WASF1: variants seen among roughly 807,000 people sequenced by gnomAD.
WASF1 encodes the protein WASP family member 1.
WASF1 carries 7 observed loss-of-function variants against 50.5 expected under a neutral mutation model. The observed-to-expected ratio is 0.14, with a 90% CI of 0.08 to 0.26. WASF1 has a LOEUF of 0.26. Ranked by LOEUF, WASF1 falls within the 10% of genes least tolerant of loss-of-function variation. The probability of loss-of-function intolerance (pLI) is 1.00; values close to 1 mark genes in which losing one functional copy is unlikely to be tolerated. For synonymous variants in WASF1, 205 were observed against 244.0 expected (o/e 0.84, Z 1.49); for missense variants, 470 against 694.7 (o/e 0.68, Z 3.64).
At chr6:110,102,267 G>C (rs1773126951) in intron 9 of WASF1, 51 bp from the exon 10 acceptor site, 9 of 1,343,404 alleles carry the variant, frequency 6.7e-6, no homozygotes, top group African/African-American at 1.5e-5. Context: ...AAAGCCTAAA[G>C]AGAAAATCTA....
At chr6:110,151,647 A>G (rs963309142) in intron 3 of WASF1, among the ~76,000 whole-genome samples, 1 of 152,230 alleles carries the variant, frequency 6.6e-6, no homozygotes. Context: ...GTAGACATAC[A>G]TGAAATCACA....
rs1157060781 is a variant in WASF1, at chr6:110,106,966, A to G, written c.540+111T>C. On this transcript the variant is annotated intron_variant, in intron 7 of 10. Coordinates refer to ENST00000392589, the MANE Select transcript of WASF1 (RefSeq NM_003931.3). The stretch of plus-strand genomic sequence containing the variant: ...TATAAAGACTTCAGTATTTAACTAT[A>G]TGGACCCAATAAAATAAAACTGTCA... The G allele has an allele frequency of 3.9e-6, 3 of 770,722 alleles. No individual in the cohort carries two copies. The African/African-American group carries it at 5.3e-5, about 14-fold the overall frequency. The allele number at this position is 770,722 out of a possible 1,614,324, so 47.7% of individuals were successfully genotyped here.
intron 3 of WASF1, among the ~76,000 whole-genome samples, chr6:110,158,948 AATT>A (rs147588428): frequency 0.015 from 2,316 of 151,956 alleles, 44 homozygotes; most frequent in African/African-American, 0.054. Context: ...CTATGCTAGT[AATT>A]ATTATTATTA....
intron 3 of WASF1, among the ~76,000 whole-genome samples, chr6:110,134,725 C>A (rs1017180881): frequency 1.3e-5 from 2 of 152,136 alleles, no homozygotes; most frequent in African/African-American, 4.8e-5. Flanking sequence ...CGCACCCGGC[C>A]TATGTGCCTA....
intron 5 of WASF1, among the ~76,000 whole-genome samples, chr6:110,111,368 C>A (rs899683803): frequency 6.6e-5 from 10 of 151,390 alleles, no homozygotes; most frequent in African/African-American, 2.4e-4. Flanking sequence ...AAGGATACCA[C>A]CAAGAAAGAC....
intron 4 of WASF1, among the ~76,000 whole-genome samples, chr6:110,121,423 A>G (rs918890888): frequency 4.6e-5 from 7 of 152,262 alleles, no homozygotes; most frequent in African/African-American, 1.7e-4. Context: ...GCCAACAGAC[A>G]TATGAAAAAA....
intron 2 of WASF1, among the ~76,000 whole-genome samples, chr6:110,167,075 C>T (rs1472292537): frequency 1.3e-5 from 2 of 151,708 alleles, no homozygotes; most frequent in African/African-American, 4.8e-5. Flanking sequence ...AACACTGTAG[C>T]CATCATGCAG....
At chr6:110,171,815 A>T (rs972845846) in intron 2 of WASF1, among the ~76,000 whole-genome samples, 1 of 152,058 alleles carries the variant, frequency 6.6e-6, no homozygotes, top group African/African-American at 2.4e-5. Context: ...GAATCTACAA[A>T]GAACTCAAAC....
At chr6:110,134,298 T>C (rs1774839827) in intron 3 of WASF1, among the ~76,000 whole-genome samples, 1 of 152,164 alleles carries the variant, frequency 6.6e-6, no homozygotes, top group African/African-American at 2.4e-5. Context: ...ATCGCAGCAA[T>C]ATTTGTTGAA....
At position 110,141,490 on chromosome 6, in the gene WASF1, T is replaced by G. The variant is rs1304424487; in HGVS notation, c.-28-13861A>C. Among the ~76,000 whole-genome samples, 3 of 152,298 alleles carry G rather than the reference T, an allele frequency of 2.0e-5. No homozygotes were observed. In the East Asian group the frequency reaches 5.8e-4, roughly 29 times the overall value. Reference sequence around the variant, plus strand: ...GCAGATGTAACCATCTACTCTTTGATGCCCTCAACATGGATCCACAAATGC... The same window carrying G: ...GCAGATGTAACCATCTACTCTTTGAGGCCCTCAACATGGATCCACAAATGC... On this transcript the variant is annotated intron_variant, in intron 3 of 10. Transcript: ENST00000392589.
chr6:110,100,713 C>A lies in WASF1; in HGVS notation c.1523-34G>T, dbSNP rs781037986. On this transcript the variant is annotated intron_variant, in intron 10 of 10. Transcript: ENST00000392589. ...GTGAATCCAAACCATTCATTTAAAT[C>A]AAAATACTAGATACTAGATATTATT... 4.5e-6 allele frequency: 7 copies of A among 1,558,736 alleles called. No individual in the cohort carries two copies. In the African/African-American group the frequency reaches 6.9e-5, roughly 15 times the overall value.
At chr6:110,144,284 T>A (rs1479343160) in intron 3 of WASF1, among the ~76,000 whole-genome samples, 1 of 152,238 alleles carries the variant, frequency 6.6e-6, no homozygotes, top group Non-Finnish European at 1.5e-5. Context: ...TCTGTTCATA[T>A]CCTTTCCCCA....
chr6:110,153,005 CCTT>C, intron 3 of WASF1, among the ~76,000 whole-genome samples: 1 of 152,140 alleles, frequency 6.6e-6, no homozygotes, highest in South Asian at 2.1e-4. Flanking sequence ...CTATTGTCTG[CCTT>C]CTTTTGTTCA....
In WASF1 at chr6:110,100,354, T is replaced by C; in HGVS notation, c.*168A>G. On this transcript the variant is annotated 3_prime_UTR_variant, in exon 11 of 11. Transcript: ENST00000392589. Reference sequence around the variant, plus strand: ...ATAAGCCACTGTAAAACATTTAGTTTGAAATGTATGCTAATATTTTCCTTA... The same window carrying C: ...ATAAGCCACTGTAAAACATTTAGTTCGAAATGTATGCTAATATTTTCCTTA... 1.5e-6 allele frequency: 1 copy of C among 659,438 alleles called. No individual in the cohort carries two copies. The highest frequency in any genetic ancestry group is 2.4e-6 in the Non-Finnish European group (1 of 419,704). The allele number at this position is 659,438 out of a possible 1,614,324, so 40.8% of individuals were successfully genotyped here.
At position 110,107,404 on chromosome 6, in the gene WASF1, T is replaced by A. The variant is rs571773442; in HGVS notation, c.423-210A>T. 5.3e-5 allele frequency among the ~76,000 whole-genome samples: 8 copies of A among 152,298 alleles called. No homozygotes were observed. The South Asian group carries it at 1.5e-3, about 28-fold the overall frequency. ...GTGGTAAAGCAGATGCTTTTCCAAG[T>A]TAGTACTAACAATTTAAAGTATAGC... On this transcript the variant is annotated intron_variant, in intron 6 of 10. Coordinates refer to ENST00000392589, the MANE Select transcript of WASF1 (RefSeq NM_003931.3).
intron 2 of WASF1, among the ~76,000 whole-genome samples, chr6:110,176,335 CA>C (rs998959927): frequency 6.6e-6 from 1 of 151,576 alleles, no homozygotes; most frequent in Non-Finnish European, 1.5e-5. Flanking sequence ...GTAGGAAAAA[CA>C]AAAAATATGT....
rs1773010575 is a variant in WASF1, at chr6:110,099,886, G to A, written c.*636C>T. Reference sequence around the variant, plus strand: ...TAACAGTTATGTAAGTTACATGTATGTTTAAGTCAGAGTATTTCACATGGA... The same window carrying A: ...TAACAGTTATGTAAGTTACATGTATATTTAAGTCAGAGTATTTCACATGGA... On this transcript the variant is annotated 3_prime_UTR_variant, in exon 11 of 11. Coordinates refer to ENST00000392589, the MANE Select transcript of WASF1 (RefSeq NM_003931.3). 1.3e-5 allele frequency: 2 copies of A among 152,618 alleles called. No homozygotes were observed. The highest frequency in any genetic ancestry group is 4.1e-4 in the South Asian group (2 of 4,824). 9.5% of individuals were successfully genotyped at this position (152,618 alleles called of 1,614,324 possible). A position where few individuals can be genotyped will look rare whatever the true frequency, so the allele number is the denominator to read the frequency against.
intron 2 of WASF1, among the ~76,000 whole-genome samples, chr6:110,168,015 A>C (rs1289858707): frequency 1.3e-5 from 2 of 152,084 alleles, no homozygotes; most frequent in African/African-American, 4.8e-5. Context: ...TTAAAATTTA[A>C]CAGTAGCATC....
chr6:110,148,646 A>G (rs993418224), intron 3 of WASF1, among the ~76,000 whole-genome samples: 2 of 152,110 alleles, frequency 1.3e-5, no homozygotes, highest in African/African-American at 4.8e-5. Flanking sequence ...ACGATTTTCT[A>G]TGTTGTCCTA....
Sources: allele counts gnomAD v4.1 joint callset (sites outside exome capture counted in the v4.1 genomes callset), GRCh38; gene constraint gnomAD v4.1.1; transcripts MANE v1.5; gene names NCBI Gene and HGNC (gene_info 2026-07-23, HGNC 2026-07-21).